The following CEP70 variants were observed in gnomAD, a reference collection of about 807,000 sequenced individuals.
The protein encoded by CEP70 is centrosomal protein of 70 kDa.
CEP70 carries 70 observed loss-of-function variants against 90.9 expected under a neutral mutation model. The observed-to-expected ratio is 0.77, with a 90% CI of 0.64 to 0.94. The LOEUF (loss-of-function observed/expected upper bound fraction) is 0.94, where lower values mean the gene tolerates loss of function less well. Ranked by LOEUF, CEP70 falls within the 40% of genes least tolerant of loss-of-function variation. CEP70 has a pLI of 0.00. For missense variants in CEP70, 648 were observed against 669.0 expected (o/e 0.97, Z 0.35); for synonymous variants, 220 against 228.3 (o/e 0.96, Z 0.33).
chr3:138,507,155 G>A (rs1004029585), intron 12 of CEP70, among the ~76,000 whole-genome samples: 4 of 152,110 alleles, frequency 2.6e-5, no homozygotes, highest in East Asian at 1.9e-4. Flanking sequence ...TCAGAAAGGT[G>A]CTTGGTTCCC....
At position 138,527,453 on chromosome 3, in the gene CEP70, G is replaced by C. The variant is rs370668559; in HGVS notation, c.869+1746C>G. 1.7e-4 allele frequency among the ~76,000 whole-genome samples: 26 copies of C among 151,910 alleles called. No homozygotes were observed. The South Asian group carries it at 5.0e-3, about 29-fold the overall frequency. On this transcript the variant is annotated intron_variant, in intron 10 of 17. Coordinates refer to ENST00000264982, the MANE Select transcript of CEP70 (RefSeq NM_024491.4). Reference sequence around the variant, plus strand: ...GGCTCACGCTTGTAATTAACACTTTGGGAGGCCGAGGCGGGCGGATCACGA... The same window carrying C: ...GGCTCACGCTTGTAATTAACACTTTCGGAGGCCGAGGCGGGCGGATCACGA...
chr3:138,525,424 A>C (rs951752662), intron 11 of CEP70, 66 bp downstream of exon 11: 1 of 570,010 alleles, frequency 1.8e-6, no homozygotes, highest in African/African-American at 2.0e-5. Flanking sequence ...AAAAATAAAA[A>C]TAAAAATAAA....
chr3:138,527,913 A>AT (rs1198316093), intron 10 of CEP70, among the ~76,000 whole-genome samples: 1 of 151,820 alleles, frequency 6.6e-6, no homozygotes, highest in East Asian at 1.9e-4. Flanking sequence ...TAACTGTTTC[A>AT]TAGGTGTATA....
chr3:138,523,027 T>G (rs1258256092), intron 11 of CEP70, among the ~76,000 whole-genome samples: 1 of 152,162 alleles, frequency 6.6e-6, no homozygotes, highest in Non-Finnish European at 1.5e-5. Context: ...TTATCCACCA[T>G]AGTCAAGTGG....
chr3:138,579,049 G>C (rs546009384), intron 2 of CEP70, among the ~76,000 whole-genome samples: 4 of 152,094 alleles, frequency 2.6e-5, no homozygotes, highest in Non-Finnish European at 4.4e-5. Flanking sequence ...GCCATGTGGC[G>C]CAGAGAGAGA....
chr3:138,497,636 T>C, intron 17 of CEP70: 1 of 960,840 alleles, frequency 1.0e-6, no homozygotes, highest in Non-Finnish European at 1.2e-6. Flanking sequence ...AGAGAGGAAA[T>C]ATTATTTGTA....
intron 11 of CEP70, among the ~76,000 whole-genome samples, chr3:138,519,715 C>T (rs2036422330): frequency 6.6e-6 from 1 of 152,172 alleles, no homozygotes; most frequent in Non-Finnish European, 1.5e-5. Flanking sequence ...CCGGTACCAG[C>T]CACTGCAAAA....
chr3:138,571,253 AG>A lies in CEP70; in HGVS notation c.160+12del. On this transcript the variant is annotated intron_variant, in intron 4 of 17. Coordinates refer to ENST00000264982, the MANE Select transcript of CEP70 (RefSeq NM_024491.4). ...ACTTTTTACCTTAAGCATCAAGAATAGGATCTAATTACCTTTGAGATCTGTT... is the reference window on the plus strand; with the variant it reads ...ACTTTTTACCTTAAGCATCAAGAATAGATCTAATTACCTTTGAGATCTGTT... The A allele has an allele frequency of 6.3e-7, 1 of 1,590,786 alleles. No individual in the cohort carries two copies. Among genetic ancestry groups the A allele is most frequent in the Non-Finnish European group, 8.6e-7 (1 of 1,168,074 alleles).
intron 11 of CEP70, among the ~76,000 whole-genome samples, chr3:138,512,701 C>T (rs1215509152): frequency 6.6e-6 from 1 of 152,092 alleles, no homozygotes; most frequent in East Asian, 1.9e-4. Flanking sequence ...GCTGTTTTAT[C>T]TATTTTGTAT....
intron 11 of CEP70, among the ~76,000 whole-genome samples, chr3:138,515,067 A>C (rs2035878836): frequency 6.6e-6 from 1 of 151,972 alleles, no homozygotes; most frequent in Non-Finnish European, 1.5e-5. Flanking sequence ...AACAAGAACA[A>C]TATATATATG....
At chr3:138,582,019 T>G (rs2041886889) in intron 2 of CEP70, among the ~76,000 whole-genome samples, 1 of 152,108 alleles carries the variant, frequency 6.6e-6, no homozygotes, top group South Asian at 2.1e-4. Context: ...ACGTCAAACA[T>G]GAATGAGCAA....
At chr3:138,500,687 T>C (rs920858465) in intron 14 of CEP70, 48 bp downstream of exon 14, 6 of 1,517,182 alleles carry the variant, frequency 4.0e-6, no homozygotes, top group Non-Finnish European at 5.3e-6. Flanking sequence ...AATTTATCAG[T>C]TTTTGAGATA....
chr3:138,580,007 C>G (rs2041766693), intron 2 of CEP70, among the ~76,000 whole-genome samples: 1 of 151,962 alleles, frequency 6.6e-6, no homozygotes, highest in African/African-American at 2.4e-5. Context: ...AGTCCCAGGC[C>G]TGGTAGCATT....
rs548287164 is a variant in CEP70 at position 138,555,075 on chromosome 3, C to T, written c.465+15243G>A. Among the ~76,000 whole-genome samples the T allele has an allele frequency of 1.6e-4, 25 of 152,126 alleles. 2 individuals carry two copies. The South Asian group carries it at 5.2e-3, about 32-fold the overall frequency. ...ACCAGCCTGGCGAACATTGTGAAAC[C>T]CTGTCTCTACTAAAAATACATAAAT... is the stretch of plus-strand genomic sequence containing the variant. On this transcript the variant is annotated intron_variant, in intron 6 of 17. Transcript: ENST00000264982.
chr3:138,560,800 T>C (rs2040352051), intron 6 of CEP70, among the ~76,000 whole-genome samples: 1 of 152,094 alleles, frequency 6.6e-6, no homozygotes, highest in Non-Finnish European at 1.5e-5. Context: ...AAGGCTGCTG[T>C]GGCCAGACTG....
At chr3:138,556,844 G>A (rs936739848) in intron 6 of CEP70, among the ~76,000 whole-genome samples, 21 of 152,276 alleles carry the variant, frequency 1.4e-4, no homozygotes, top group African/African-American at 3.1e-4. Context: ...GAGGCAGGGC[G>A]AGATCACAGG....
intron 6 of CEP70, among the ~76,000 whole-genome samples, chr3:138,558,129 C>T (rs1371616397): frequency 6.6e-6 from 1 of 152,172 alleles, no homozygotes; most frequent in Non-Finnish European, 1.5e-5. Context: ...CTTTGCGAGG[C>T]CGAGGCAGGC....
rs139394815 is a variant in CEP70 at position 138,568,482 on chromosome 3, A to G, written c.465+1836T>C. The stretch of plus-strand genomic sequence containing the variant: ...TGCTCTCAACTTGTTCACTCAGCCA[A>G]AGACCTGGCACAGCACCTTTACAGC... On this transcript the variant is annotated intron_variant, in intron 6 of 17. Coordinates refer to ENST00000264982, the MANE Select transcript of CEP70 (RefSeq NM_024491.4). 5.5e-3 allele frequency among the ~76,000 whole-genome samples: 837 copies of G among 152,288 alleles called. 3 individuals carry two copies. The highest frequency in any genetic ancestry group is 8.5e-3 in the Non-Finnish European group (578 of 68,012).
At chr3:138,506,367 G>C (rs1375672050) in intron 12 of CEP70, among the ~76,000 whole-genome samples, 4 of 152,024 alleles carry the variant, frequency 2.6e-5, no homozygotes, top group Non-Finnish European at 2.9e-5. Context: ...TTGATGCCTG[G>C]ATTGAATTTT....
Sources: allele counts gnomAD v4.1 joint callset (sites outside exome capture counted in the v4.1 genomes callset), GRCh38; gene constraint gnomAD v4.1.1; transcripts MANE v1.5; gene names NCBI Gene and HGNC (gene_info 2026-07-23, HGNC 2026-07-21).